FUT8: variants seen among roughly 807,000 people sequenced by gnomAD.
The protein encoded by FUT8 is fucosyltransferase 8.
A neutral mutation model predicts 71.3 loss-of-function variants in FUT8; 29 were observed. The ratio of observed to expected loss-of-function variants is 0.41; its 90% confidence interval spans 0.30 to 0.55. The LOEUF (loss-of-function observed/expected upper bound fraction) is 0.55. Ranked by LOEUF, FUT8 falls within the 20% of genes least tolerant of loss-of-function variation. FUT8 has a pLI of 0.34. For synonymous variants in FUT8, 254 were observed against 239.3 expected, an observed-to-expected ratio of 1.06 and a Z score of -0.57; for missense variants, 544 against 702.1, an observed-to-expected ratio of 0.77 and a Z score of 2.55.
At chr14:65,730,492 T>A (rs1280794240) in intron 9 of FUT8, among the ~76,000 whole-genome samples, 2 of 152,160 alleles carry the variant, frequency 1.3e-5, no homozygotes, top group African/African-American at 4.8e-5. Flanking sequence ...GCTAACATGG[T>A]AAAACCCTGT....
At chr14:65,648,544 C>T (rs897882344) in intron 6 of FUT8, among the ~76,000 whole-genome samples, 8 of 152,132 alleles carry the variant, frequency 5.3e-5, no homozygotes, top group Non-Finnish European at 1.2e-4. Flanking sequence ...AGACTGACCA[C>T]CATTTGTTTG....
At position 65,689,001 on chromosome 14, in the gene FUT8, A is replaced by G. The variant is rs138683162; in HGVS notation, c.835+19521A>G. Reference sequence around the variant, plus strand: ...ATCTCATGTAACTTAATTACCTCCCAAAGGCCCCATCTCCTCATACCATCA... The same window carrying G: ...ATCTCATGTAACTTAATTACCTCCCGAAGGCCCCATCTCCTCATACCATCA... On this transcript the variant is annotated intron_variant, in intron 7 of 10. Transcript: ENST00000673929. Among the ~76,000 whole-genome samples, 1,226 of 152,224 alleles carry G rather than the reference A, an allele frequency of 8.1e-3. 19 individuals carry two copies. Among genetic ancestry groups the G allele is most frequent in the African/African-American group, 0.028 (1,174 of 41,518 alleles).
Position 65,593,962 on chromosome 14 carries a change from G to C in FUT8, c.204-22016G>C, listed in dbSNP as rs1358638956. Among the ~76,000 whole-genome samples the C allele has an allele frequency of 3.3e-5, 5 of 152,174 alleles. No homozygotes were observed. In the East Asian group the frequency reaches 9.6e-4, roughly 29 times the overall value. On this transcript the variant is annotated intron_variant, in intron 3 of 10. Transcript: ENST00000673929. Reference sequence around the variant, plus strand: ...TGACCTCAGGTGATCTGCCCACCTTGGCCTCCCAAAGTGCTGGGATTACAG... The same window carrying C: ...TGACCTCAGGTGATCTGCCCACCTTCGCCTCCCAAAGTGCTGGGATTACAG...
At chr14:65,700,194 C>T (rs1198079463) in intron 7 of FUT8, among the ~76,000 whole-genome samples, 2 of 152,112 alleles carry the variant, frequency 1.3e-5, no homozygotes, top group Non-Finnish European at 2.9e-5. Flanking sequence ...AACAGTGATT[C>T]TCAGTGACTT....
intron 2 of FUT8, among the ~76,000 whole-genome samples, chr14:65,551,160 T>C (rs533132848): frequency 4.9e-4 from 75 of 152,336 alleles, no homozygotes; most frequent in African/African-American, 1.8e-3. Flanking sequence ...CAGGCTTTTA[T>C]CTTCAGCAGA....
intron 7 of FUT8, among the ~76,000 whole-genome samples, chr14:65,710,843 G>T (rs1178506016): frequency 6.6e-6 from 1 of 152,186 alleles, no homozygotes; most frequent in Admixed American, 6.5e-5. Context: ...AAGAAGTATG[G>T]TGCCAGCATC....
Position 65,603,051 on chromosome 14 carries a change from G to T in FUT8, c.204-12927G>T, listed in dbSNP as rs11849252. On this transcript the variant is annotated intron_variant, in intron 3 of 10. Coordinates refer to ENST00000673929, the MANE Select transcript of FUT8 (RefSeq NM_001371533.1). This position sits in a 1 kb window ranked among gnomAD's most constrained non-coding sequence, Gnocchi z 4.5. Reference sequence around the variant, plus strand: ...TGTTACGTTTGCTTTTGAAGTCTTCGCCTAAGCCAATGTCTAGAAGGATTT... The same window carrying T: ...TGTTACGTTTGCTTTTGAAGTCTTCTCCTAAGCCAATGTCTAGAAGGATTT... 0.15 allele frequency among the ~76,000 whole-genome samples: 22,615 copies of T among 151,652 alleles called. 2,541 individuals are homozygous for T. The highest frequency in any genetic ancestry group is 0.51 in the East Asian group (2,653 of 5,160).
In FUT8 at chr14:65,550,916, C is replaced by CA. The variant is rs2140003098; in HGVS notation, c.-227-10419dup. 6.6e-6 allele frequency among the ~76,000 whole-genome samples: 1 copy of CA among 152,112 alleles called. No individual in the cohort carries two copies. The highest frequency in any genetic ancestry group is 1.9e-4 in the East Asian group (1 of 5,184). On this transcript the variant is annotated intron_variant, in intron 2 of 10. Transcript: ENST00000673929. The surrounding 1 kb of genome is among the most constrained non-coding windows in gnomAD (Gnocchi z 4.5). ...TTTTCCAGTTTAGTGCTGTTGCAGA[C>CA]AATGATGTAAAGAGTATGTGAATGC...
chr14:65,734,679 A>T (rs919474878), intron 10 of FUT8, among the ~76,000 whole-genome samples: 4 of 152,152 alleles, frequency 2.6e-5, no homozygotes, highest in African/African-American at 9.7e-5. Flanking sequence ...GAGTCTGACT[A>T]TGCATCTGCC....
At chr14:65,700,387 T>G (rs1212363021) in intron 7 of FUT8, among the ~76,000 whole-genome samples, 3 of 120,008 alleles carry the variant, frequency 2.5e-5, no homozygotes, top group African/African-American at 9.8e-5. Context: ...TTCTGTTTTT[T>G]TTTTTTTTTT....
At chr14:65,491,207 C>A (rs1436294439) in intron 2 of FUT8, among the ~76,000 whole-genome samples, 2 of 152,058 alleles carry the variant, frequency 1.3e-5, no homozygotes, top group Non-Finnish European at 2.9e-5. Flanking sequence ...TTTAAATCCC[C>A]AGACTCAACA....
chr14:65,720,448 T>G (rs1228949974), intron 7 of FUT8, among the ~76,000 whole-genome samples: 1 of 152,208 alleles, frequency 6.6e-6, no homozygotes, highest in Non-Finnish European at 1.5e-5. Flanking sequence ...GCCCACTTGG[T>G]GCTCTGTTCC....
intron 2 of FUT8, among the ~76,000 whole-genome samples, chr14:65,490,302 T>G (rs759172938): frequency 3.3e-5 from 5 of 152,130 alleles, no homozygotes; most frequent in Non-Finnish European, 7.4e-5. Flanking sequence ...ACATGTGACT[T>G]TTAAGGTTCC....
chr14:65,733,572 A>G (rs973095294), intron 10 of FUT8, among the ~76,000 whole-genome samples, 191 bp downstream of exon 10: 4 of 152,214 alleles, frequency 2.6e-5, no homozygotes, highest in Non-Finnish European at 5.9e-5. Flanking sequence ...CACATGCACT[A>G]ATATTTAGTT....
chr14:65,699,393 G>A (rs980603070), intron 7 of FUT8, among the ~76,000 whole-genome samples: 4 of 152,074 alleles, frequency 2.6e-5, no homozygotes, highest in African/African-American at 9.7e-5. Context: ...TTGCCCCATA[G>A]GATTGTTCTG....
the FUT8 span, among the ~76,000 whole-genome samples, chr14:65,388,173 G>A: frequency 6.6e-6 from 1 of 152,156 alleles, no homozygotes; most frequent in Non-Finnish European, 1.5e-5. Context: ...TGCCATAGTC[G>A]AGCAAATTTA....
At chr14:65,710,394 T>C (rs1894757108) in intron 7 of FUT8, among the ~76,000 whole-genome samples, 1 of 152,198 alleles carries the variant, frequency 6.6e-6, no homozygotes, top group South Asian at 2.1e-4. Context: ...TATAATGTTA[T>C]ATGGTAAATC....
chr14:65,583,178 TTTTG>T (rs959910246), intron 3 of FUT8, among the ~76,000 whole-genome samples: 3 of 152,132 alleles, frequency 2.0e-5, no homozygotes, highest in East Asian at 3.8e-4. Flanking sequence ...TTTCTTTTTC[TTTTG>T]TTTTTTTCTT....
intron 2 of FUT8, among the ~76,000 whole-genome samples, chr14:65,486,503 A>G (rs2066411155): frequency 6.6e-6 from 1 of 152,246 alleles, no homozygotes; most frequent in African/African-American, 2.4e-5. Flanking sequence ...GATGAATTAC[A>G]TGAAGAAGTC....
Sources: allele counts gnomAD v4.1 joint callset (sites outside exome capture counted in the v4.1 genomes callset), GRCh38; gene constraint gnomAD v4.1.1; non-coding constraint Gnocchi (gnomAD v3.1); transcripts MANE v1.5; gene names NCBI Gene and HGNC (gene_info 2026-07-23, HGNC 2026-07-21).